SLC25A16: variants seen among roughly 807,000 people sequenced by gnomAD.
SLC25A16 encodes the protein mitochondrial coenzyme A transporter SLC25A16.
In SLC25A16, 39 loss-of-function variants were observed where a neutral mutation model predicts 41.5. The ratio of observed to expected loss-of-function variants is 0.94; its 90% CI spans 0.73 to 1.23. The LOEUF (loss-of-function observed/expected upper bound fraction) is 1.23. Ranked by LOEUF, SLC25A16 falls within the 50% of genes most tolerant of loss-of-function variation. The pLI is 0.00. For missense variants in SLC25A16, 421 were observed against 426.9 expected, an observed-to-expected ratio of 0.99 and a Z score of 0.12; for synonymous variants, 146 against 147.8, an observed-to-expected ratio of 0.99 and a Z score of 0.09.
intron 8 of SLC25A16, among the ~76,000 whole-genome samples, chr10:68,486,490 C>T (rs781770528): frequency 4.0e-5 from 6 of 151,652 alleles, no homozygotes; most frequent in Non-Finnish European, 5.9e-5. Flanking sequence ...ACTGCAACCT[C>T]CACCTCCCTA....
chr10:68,519,712 C>T (rs189055650), intron 1 of SLC25A16, among the ~76,000 whole-genome samples: 11 of 151,488 alleles, frequency 7.3e-5, no homozygotes, highest in African/African-American at 2.4e-4. Context: ...GTCAGGAGTT[C>T]GAGACCAGCC....
chr10:68,519,604 T>C (rs979624652), intron 1 of SLC25A16, among the ~76,000 whole-genome samples: 11 of 151,860 alleles, frequency 7.2e-5, no homozygotes, highest in Non-Finnish European at 1.6e-4. Flanking sequence ...CTCAGTTGTG[T>C]ATGAATTAAC....
At chr10:68,517,084 C>T in intron 1 of SLC25A16, 1 of 1,169,512 alleles carries the variant, frequency 8.6e-7, no homozygotes, top group Non-Finnish European at 1.1e-6. Context: ...CATCTAATAC[C>T]TGAGGAAGGC....
At position 68,512,664 on chromosome 10, in the gene SLC25A16, A is replaced by G. The variant is rs12771714; in HGVS notation, c.223+4087T>C. ...AAAAAAAAAAAAAAAAAAAAAAAAA[A>G]GATAAATGATAATTCACTCCTGGAT... is the stretch of plus-strand genomic sequence containing the variant. On this transcript the variant is annotated intron_variant, in intron 2 of 8. Transcript: ENST00000609923. Among the ~76,000 whole-genome samples, 3 of 149,998 alleles carry G rather than the reference A, an allele frequency of 2.0e-5. 1 individual carries two copies. Among genetic ancestry groups the G allele is most frequent in the Non-Finnish European group, 4.5e-5 (3 of 67,354 alleles).
intron 2 of SLC25A16, among the ~76,000 whole-genome samples, chr10:68,509,737 A>AGATAGATAGATATAGATATATC (rs1211274823): frequency 2.8e-5 from 4 of 143,802 alleles, no homozygotes; most frequent in Non-Finnish European, 6.1e-5. Flanking sequence ...CTATCTATAT[A>AGATAGATAGATATAGATATATC]TATATCTATA....
chr10:68,520,931 CG>C, intron 1 of SLC25A16, among the ~76,000 whole-genome samples: 1 of 151,530 alleles, frequency 6.6e-6, no homozygotes, highest in Non-Finnish European at 1.5e-5. Flanking sequence ...GTCAGGAGAT[CG>C]AGACCATCCT....
chr10:68,488,068 T>G (rs898688894), intron 7 of SLC25A16, among the ~76,000 whole-genome samples: 2 of 152,066 alleles, frequency 1.3e-5, no homozygotes, highest in Non-Finnish European at 2.9e-5. Context: ...GGCCAGATGG[T>G]CTCAATCTCT....
chr10:68,511,117 A>C (rs942110778), intron 2 of SLC25A16, among the ~76,000 whole-genome samples: 3 of 151,718 alleles, frequency 2.0e-5, no homozygotes, highest in Non-Finnish European at 2.9e-5. Flanking sequence ...AGGCACTTGT[A>C]ATTCCAGCTA....
At chr10:68,516,917 C>A in intron 1 of SLC25A16, 74 bp from the exon 2 acceptor site, 1 of 1,248,448 alleles carries the variant, frequency 8.0e-7, no homozygotes, top group East Asian at 2.4e-5. Context: ...AGTTGTTCAG[C>A]CAGCAAACCC....
chr10:68,491,814 CTTGA>C (rs202157914), intron 6 of SLC25A16, among the ~76,000 whole-genome samples: 42 of 152,030 alleles, frequency 2.8e-4, no homozygotes, highest in African/African-American at 8.0e-4. Flanking sequence ...TGCTTGCTTG[CTTGA>C]TTGATTGATT....
chr10:68,487,305 C>T (rs2133491101), intron 7 of SLC25A16, 93 bp from the exon 8 acceptor site: 4 of 859,010 alleles, frequency 4.7e-6, no homozygotes, highest in East Asian at 2.5e-5. Flanking sequence ...AAAGAAATAA[C>T]GTGTTACTGC....
At chr10:68,504,612 T>C (rs1382132563) in intron 3 of SLC25A16, among the ~76,000 whole-genome samples, 1 of 149,114 alleles carries the variant, frequency 6.7e-6, no homozygotes, top group African/African-American at 2.5e-5. Flanking sequence ...CTCCTGAACT[T>C]GTGATCCGCC....
intron 3 of SLC25A16, among the ~76,000 whole-genome samples, chr10:68,505,140 T>C (rs1206586547): frequency 6.6e-6 from 1 of 152,030 alleles, no homozygotes; most frequent in Non-Finnish European, 1.5e-5. Flanking sequence ...CTCTACAAAA[T>C]ATTTTTTAAA....
intron 2 of SLC25A16, 26 bp downstream of exon 2, chr10:68,516,725 T>G: frequency 6.9e-7 from 1 of 1,448,938 alleles, no homozygotes; most frequent in Non-Finnish European, 9.5e-7. Flanking sequence ...TTCATTCATT[T>G]TTATCTTTAG....
chr10:68,524,038 A>AGGCCAGGCGC (rs75886524), intron 1 of SLC25A16, among the ~76,000 whole-genome samples: 190 of 151,734 alleles, frequency 1.3e-3, no homozygotes, highest in African/African-American at 4.2e-3. Flanking sequence ...GATCAAGACC[A>AGGCCAGGCGC]GGTGGCTCAC....
intron 6 of SLC25A16, among the ~76,000 whole-genome samples, chr10:68,492,322 T>TA (rs1306358572): frequency 2.6e-5 from 4 of 152,204 alleles, no homozygotes; most frequent in Admixed American, 2.6e-4. Context: ...TTCCAACACT[T>TA]ACTCTATTTT....
chr10:68,500,834 G>A (rs948999723), intron 4 of SLC25A16, among the ~76,000 whole-genome samples: 1 of 151,838 alleles, frequency 6.6e-6, no homozygotes, highest in African/African-American at 2.4e-5. Context: ...AGGAGGCTGA[G>A]GCAGAAGAAT....
intron 1 of SLC25A16, among the ~76,000 whole-genome samples, chr10:68,525,425 C>A (rs560902443): frequency 3.9e-5 from 6 of 152,218 alleles, no homozygotes; most frequent in Non-Finnish European, 8.8e-5. Context: ...CGTGAGCCAC[C>A]CTGCCCAGCG....
intron 2 of SLC25A16, among the ~76,000 whole-genome samples, chr10:68,516,197 C>T (rs998530997): frequency 1.3e-4 from 20 of 152,098 alleles, no homozygotes; most frequent in African/African-American, 2.4e-4. Context: ...AGTTTTGCCA[C>T]GAAAGTACAC....
Sources: gnomAD v4.1 joint callset for allele counts (sites outside exome capture counted in the v4.1 genomes callset) on GRCh38, gnomAD v4.1.1 for gene constraint, MANE v1.5 for transcripts, NCBI Gene and HGNC (gene_info 2026-07-23, HGNC 2026-07-21) for gene names.